Variants in JAKMIP1 observed in about 807,000 individuals in gnomAD.
JAKMIP1 encodes janus kinase and microtubule-interacting protein 1.
JAKMIP1 carries 33 observed loss-of-function variants against 113.0 expected under a neutral mutation model. The ratio of observed to expected loss-of-function variants is 0.29; its 90% CI spans 0.22 to 0.39. JAKMIP1 has a LOEUF of 0.39. Among genes scored for constraint, JAKMIP1 ranks in the 10% least tolerant of loss-of-function variants. The pLI, the probability that JAKMIP1 is intolerant of heterozygous loss-of-function variation, is 1.00. For synonymous variants in JAKMIP1, 480 were observed against 459.9 expected, an observed-to-expected ratio of 1.04 and a Z score of -0.56; for missense variants, 813 against 1,080.5, an observed-to-expected ratio of 0.75 and a Z score of 3.47.
chr4:6,126,073 A>ACATG (rs1717505978), intron 1 of JAKMIP1, among the ~76,000 whole-genome samples: 1 of 148,988 alleles, frequency 6.7e-6, no homozygotes. Flanking sequence ...AGAAACACAC[A>ACATG]CACAAACACA....
rs1023480496 is a variant in JAKMIP1, at chr4:6,042,374, G to C, written c.2029-147C>G. 7.5e-6 allele frequency: 5 copies of C among 670,656 alleles called. No homozygotes were observed. Among genetic ancestry groups the C allele is most frequent in the Non-Finnish European group, 1.1e-5 (4 of 375,170 alleles). 41.5% of individuals were successfully genotyped at this position (670,656 alleles called of 1,614,324 possible). On this transcript the variant is annotated intron_variant, in intron 16 of 20. Coordinates refer to ENST00000409021, the MANE Select transcript of JAKMIP1 (RefSeq NM_001099433.2). This position sits in a 1 kb window ranked among gnomAD's most constrained non-coding sequence, Gnocchi z 5.2. Reference sequence around the variant, plus strand: ...GTCAGGTCATGGCACACACATGCCTGATCTGTGGATGGCGTGGTTGTGTGT... The same window carrying C: ...GTCAGGTCATGGCACACACATGCCTCATCTGTGGATGGCGTGGTTGTGTGT...
intron 3 of JAKMIP1, among the ~76,000 whole-genome samples, chr4:6,102,188 T>G (rs991683959): frequency 3.3e-5 from 5 of 152,244 alleles, no homozygotes; most frequent in African/African-American, 1.2e-4. Flanking sequence ...AATTGTTCAC[T>G]GCTGATATAT....
chr4:6,052,022 A>C (rs1023883969), intron 13 of JAKMIP1, among the ~76,000 whole-genome samples: 1 of 152,152 alleles, frequency 6.6e-6, no homozygotes, highest in Non-Finnish European at 1.5e-5. Flanking sequence ...AATTCTACTA[A>C]GAGATGTAGC....
In JAKMIP1 at chr4:6,156,813, G is replaced by C. The variant is rs1398177289; in HGVS notation, c.-148+43440C>G. ...CTTGGGAATCTCATGGCCACACCTGGCACATGGACATGGTCTGCCCATGAT... is the reference window on the plus strand; with the variant it reads ...CTTGGGAATCTCATGGCCACACCTGCCACATGGACATGGTCTGCCCATGAT... On this transcript the variant is annotated intron_variant, in intron 1 of 20. Coordinates refer to ENST00000409021, the MANE Select transcript of JAKMIP1 (RefSeq NM_001099433.2). The surrounding 1 kb of genome is among the most constrained non-coding windows in gnomAD (Gnocchi z 5.0). Among the ~76,000 whole-genome samples the C allele has an allele frequency of 1.3e-5, 2 of 152,182 alleles. No individual in the cohort carries two copies. Among genetic ancestry groups the C allele is most frequent in the African/African-American group, 2.4e-5 (1 of 41,436 alleles).
chr4:6,104,198 T>A (rs1713533776), intron 3 of JAKMIP1, among the ~76,000 whole-genome samples: 1 of 152,250 alleles, frequency 6.6e-6, no homozygotes, highest in Non-Finnish European at 1.5e-5. Context: ...TAGAGTGCTC[T>A]GTCAGGTAAG....
intron 1 of JAKMIP1, among the ~76,000 whole-genome samples, chr4:6,148,657 C>A (rs967584164): frequency 1.2e-4 from 18 of 152,342 alleles, no homozygotes; most frequent in African/African-American, 4.1e-4. Flanking sequence ...GCAGGCTGAG[C>A]CTGCAGGAGC....
At chr4:6,057,909 C>T (rs556179043) in intron 11 of JAKMIP1, among the ~76,000 whole-genome samples, 11 of 152,342 alleles carry the variant, frequency 7.2e-5, no homozygotes, top group African/African-American at 1.4e-4. Context: ...GGCACCTGGC[C>T]GGGAGCTGGC....
At chr4:6,170,867 ATCACAATCACCT>A (rs1724526075) in intron 1 of JAKMIP1, among the ~76,000 whole-genome samples, 1 of 146,026 alleles carries the variant, frequency 6.8e-6, no homozygotes, top group South Asian at 2.2e-4. Context: ...CATGACCACC[ATCACAATCACCT>A]CCATCACCTC....
Position 6,112,759 on chromosome 4 carries a change from G to A in JAKMIP1, c.92C>T (p.Thr31Ile). 3 of 1,614,006 alleles carry A rather than the reference G, an allele frequency of 1.9e-6. No homozygotes were observed. The highest frequency in any genetic ancestry group is 2.5e-6 in the Non-Finnish European group (3 of 1,180,020). The change falls in exon 2 of 21, where the codon ACC becomes ATC. Residue 31 changes from threonine (T) to isoleucine (I), a missense_variant. Physicochemically the swap from Thr to Ile is moderately conservative, Grantham distance 89. This residue lies in a region of JAKMIP1 where 540 missense variants were observed against 653.9 expected (regional missense o/e 0.83). Transcript: ENST00000409021. ...MANEELRAKL[T>I]SIQIEFQQEK... ...CTGCTGGAACTCGATCTGAATGCTG[G>A]TCAGCTTGGCCCGCAGCTCCTCGTT...
At chr4:6,102,558 C>T (rs1713222390) in intron 3 of JAKMIP1, among the ~76,000 whole-genome samples, 1 of 152,028 alleles carries the variant, frequency 6.6e-6, no homozygotes, top group South Asian at 2.1e-4. Context: ...ACTTCCCAGC[C>T]TCCAGAATGG....
Position 6,128,439 on chromosome 4 carries a change from AG to A in JAKMIP1, c.-147-15443del, listed in dbSNP as rs1199734007. The stretch of plus-strand genomic sequence containing the variant: ...GCTGCAAGCAGTGAATGAGCTCAGA[AG>A]GGACCAGGAGCGGGGAGGGAGGGAA... On this transcript the variant is annotated intron_variant, in intron 1 of 20. Coordinates refer to ENST00000409021, the MANE Select transcript of JAKMIP1 (RefSeq NM_001099433.2). Among the ~76,000 whole-genome samples, 6 of 152,260 alleles carry A rather than the reference AG, an allele frequency of 3.9e-5. No individual in the cohort carries two copies. The East Asian group carries it at 1.2e-3, about 29-fold the overall frequency.
At position 6,154,308 on chromosome 4, in the gene JAKMIP1, T is replaced by A. The variant is rs548865866; in HGVS notation, c.-147-41311A>T. 6.6e-6 allele frequency among the ~76,000 whole-genome samples: 1 copy of A among 152,164 alleles called. No homozygotes were observed. Among genetic ancestry groups the A allele is most frequent in the Non-Finnish European group, 1.5e-5 (1 of 68,026 alleles). ...AACTACTTTAATAATTCGGTCATTTTCACATCAAAACCATTGCAAGGAAAA... is the reference window on the plus strand; with the variant it reads ...AACTACTTTAATAATTCGGTCATTTACACATCAAAACCATTGCAAGGAAAA... On this transcript the variant is annotated intron_variant, in intron 1 of 20. Coordinates refer to ENST00000409021, the MANE Select transcript of JAKMIP1 (RefSeq NM_001099433.2). This position sits in a 1 kb window ranked among gnomAD's most constrained non-coding sequence, Gnocchi z 4.2.
chr4:6,032,406 CT>C (rs1185530034), intron 19 of JAKMIP1, among the ~76,000 whole-genome samples: 1 of 152,122 alleles, frequency 6.6e-6, no homozygotes, highest in East Asian at 1.9e-4. Flanking sequence ...ATCTGATGAC[CT>C]GGGTTCACAG....
intron 1 of JAKMIP1, among the ~76,000 whole-genome samples, chr4:6,131,830 C>A (rs1718554231): frequency 6.6e-6 from 1 of 152,190 alleles, no homozygotes; most frequent in Admixed American, 6.5e-5. Context: ...AAAAAACTCA[C>A]CAGTGTAGAA....
At position 6,044,226 on chromosome 4, in the gene JAKMIP1, C is replaced by A. The variant is rs1714707446; in HGVS notation, c.2029-1999G>T. ...GTTTCACCCCTCACCCCGCTGCCCC[C>A]CTTGAAGGTGGGGACCACATTTGCC... On this transcript the variant is annotated intron_variant, in intron 16 of 20. Transcript: ENST00000409021. The surrounding 1 kb of genome is among the most constrained non-coding windows in gnomAD (Gnocchi z 4.4). Among the ~76,000 whole-genome samples the A allele has an allele frequency of 6.6e-6, 1 of 152,116 alleles. No homozygotes were observed. Among genetic ancestry groups the A allele is most frequent in the Non-Finnish European group, 1.5e-5 (1 of 68,018 alleles).
In JAKMIP1 at chr4:6,125,566, AAC is replaced by A. The variant is rs139505372; in HGVS notation, c.-147-12571_-147-12570del. Among the ~76,000 whole-genome samples, 8 of 150,172 alleles carry A rather than the reference AAC, an allele frequency of 5.3e-5. No homozygotes were observed. In the East Asian group the frequency reaches 5.9e-4, roughly 11 times the overall value. On this transcript the variant is annotated intron_variant, in intron 1 of 20. Transcript: ENST00000409021. Reference sequence around the variant, plus strand: ...CACAAACATGCAGGTACCATACAGAAACACACACACACACCATACACACCATG... The same window carrying A: ...CACAAACATGCAGGTACCATACAGAAACACACACACACCATACACACCATG...
At chr4:6,073,077 T>TAA (rs5855900) in intron 8 of JAKMIP1, among the ~76,000 whole-genome samples, 44 of 123,890 alleles carry the variant, frequency 3.6e-4, no homozygotes, top group African/African-American at 1.3e-3. Flanking sequence ...AACTCTGTCT[T>TAA]AAAAAAAAAA....
chr4:6,083,219 A>G (rs1339378601), intron 5 of JAKMIP1, among the ~76,000 whole-genome samples: 1 of 152,066 alleles, frequency 6.6e-6, no homozygotes, highest in African/African-American at 2.4e-5. Flanking sequence ...CCTGGCCAAC[A>G]TGGTGAAACC....
chr4:6,121,583 C>T (rs1031322181), intron 1 of JAKMIP1, among the ~76,000 whole-genome samples: 7 of 152,226 alleles, frequency 4.6e-5, no homozygotes, highest in Admixed American at 1.3e-4. Flanking sequence ...TCACAACAGA[C>T]GTGCAGGCTG....
Sources: allele counts gnomAD v4.1 joint callset (sites outside exome capture counted in the v4.1 genomes callset), GRCh38; gene constraint gnomAD v4.1.1; regional missense constraint gnomAD v4.1.1; non-coding constraint Gnocchi (gnomAD v3.1); transcripts MANE v1.5; gene names NCBI Gene and HGNC (gene_info 2026-07-23, HGNC 2026-07-21).